KLF12: variants seen among roughly 807,000 people sequenced by gnomAD.
KLF12 encodes the protein Krueppel-like factor 12.
In KLF12, 9 loss-of-function variants were observed where a neutral mutation model predicts 37.8. That is an observed-to-expected ratio of 0.24 (90% CI 0.14 to 0.42). KLF12 has a LOEUF of 0.42. KLF12 is among the 10% of genes least tolerant of loss of function. KLF12 has a pLI of 1.00. For synonymous variants in KLF12, 208 were observed against 202.1 expected (o/e 1.03, Z -0.25); for missense variants, 411 against 516.0 (o/e 0.80, Z 1.97).
chr13:73,781,435 CATT>C (rs1185039369), intron 5 of KLF12, among the ~76,000 whole-genome samples: 1 of 152,184 alleles, frequency 6.6e-6, no homozygotes, highest in East Asian at 1.9e-4. Context: ...CTTTCTCCAT[CATT>C]GTTATTACAA....
intron 3 of KLF12, among the ~76,000 whole-genome samples, chr13:73,847,847 T>C (rs958494673): frequency 6.6e-6 from 1 of 152,182 alleles, no homozygotes; most frequent in Non-Finnish European, 1.5e-5. Context: ...ACACCATAAA[T>C]TGAACTGCTT....
At chr13:74,285,098 T>C in the KLF12 span, among the ~76,000 whole-genome samples, 1 of 152,148 alleles carries the variant, frequency 6.6e-6, no homozygotes, top group Admixed American at 6.5e-5. Flanking sequence ...GGCACATGGT[T>C]TTTCTTGTGG....
At chr13:73,718,420 G>C (rs1427588069) in intron 6 of KLF12, among the ~76,000 whole-genome samples, 2 of 152,200 alleles carry the variant, frequency 1.3e-5, no homozygotes, top group African/African-American at 4.8e-5. Context: ...ATGAAGACAA[G>C]TGGATTGTCT....
chr13:74,229,350 C>T, the KLF12 span, among the ~76,000 whole-genome samples: 1 of 152,148 alleles, frequency 6.6e-6, no homozygotes, highest in African/African-American at 2.4e-5. Flanking sequence ...TGGCCAAAAA[C>T]AAGTCCTTTG....
chr13:74,254,837 A>G, the KLF12 span, among the ~76,000 whole-genome samples: 1 of 152,150 alleles, frequency 6.6e-6, no homozygotes, highest in Non-Finnish European at 1.5e-5. Flanking sequence ...TTTGTCCCTT[A>G]GTTATTAATA....
chr13:73,794,361 T>C (rs193271438), intron 5 of KLF12, among the ~76,000 whole-genome samples: 82 of 152,318 alleles, frequency 5.4e-4, no homozygotes, highest in Admixed American at 1.7e-3. Flanking sequence ...CTCAGGAGGC[T>C]GAGGTATGAG....
intron 7 of KLF12, among the ~76,000 whole-genome samples, chr13:73,702,119 G>A (rs1347846413): frequency 6.6e-6 from 1 of 152,068 alleles, no homozygotes; most frequent in Non-Finnish European, 1.5e-5. Context: ...AACTTTCTAT[G>A]TATATGCAGC....
At chr13:73,759,255 C>T (rs1246233758) in intron 6 of KLF12, among the ~76,000 whole-genome samples, 1 of 152,090 alleles carries the variant, frequency 6.6e-6, no homozygotes, top group Non-Finnish European at 1.5e-5. Context: ...CTTAAAAAGA[C>T]CATGAAGGCT....
intron 1 of KLF12, among the ~76,000 whole-genome samples, chr13:74,071,829 T>C (rs1874272020): frequency 1.3e-5 from 2 of 152,218 alleles, no homozygotes; most frequent in South Asian, 4.1e-4. Flanking sequence ...GGGAGAAAAC[T>C]GATTGGTCAT....
intron 3 of KLF12, among the ~76,000 whole-genome samples, chr13:73,943,646 G>C (rs1487958326): frequency 6.6e-6 from 1 of 152,130 alleles, no homozygotes; most frequent in African/African-American, 2.4e-5. Flanking sequence ...ATGACACTGA[G>C]GTTATAGTCC....
At chr13:73,914,605 A>T (rs185793541) in intron 3 of KLF12, among the ~76,000 whole-genome samples, 3 of 152,322 alleles carry the variant, frequency 2.0e-5, no homozygotes, top group Admixed American at 6.5e-5. Context: ...AAGGTTGGAG[A>T]ACGCCTCTGT....
At chr13:74,239,248 G>A in the KLF12 span, among the ~76,000 whole-genome samples, 15 of 152,194 alleles carry the variant, frequency 9.9e-5, no homozygotes, top group East Asian at 5.8e-4. Context: ...TAGTTGAGCC[G>A]TTTTGAGTGA....
At position 73,812,551 on chromosome 13, in the gene KLF12, A is replaced by AAAT. The variant is rs150181070; in HGVS notation, c.806+600_806+601insATT. ...CTGAAAAAATTATTCTACAAAAAAA[A>AAAT]ACATGGATTTTTTTTTTCAATCATT... On this transcript the variant is annotated intron_variant, in intron 5 of 7. Transcript: ENST00000377669. Among the ~76,000 whole-genome samples the AAAT allele has an allele frequency of 1.3e-3, 203 of 152,150 alleles. 2 individuals are homozygous for AAAT. Among genetic ancestry groups the AAAT allele is most frequent in the African/African-American group, 4.4e-3 (184 of 41,406 alleles).
chr13:73,971,711 C>T (rs1891347122), intron 2 of KLF12, among the ~76,000 whole-genome samples: 1 of 152,156 alleles, frequency 6.6e-6, no homozygotes, highest in Non-Finnish European at 1.5e-5. Context: ...ACTACATTCA[C>T]AATGGTGATA....
At chr13:73,756,140 A>T (rs1384648099) in intron 6 of KLF12, among the ~76,000 whole-genome samples, 2 of 152,026 alleles carry the variant, frequency 1.3e-5, no homozygotes, top group Non-Finnish European at 2.9e-5. Flanking sequence ...GTCAGATATC[A>T]TTTATTTATT....
At chr13:74,163,254 T>G in the KLF12 span, among the ~76,000 whole-genome samples, 4 of 152,094 alleles carry the variant, frequency 2.6e-5, no homozygotes, top group Non-Finnish European at 2.9e-5. Flanking sequence ...AGAAAGAAAA[T>G]CAGTATATCA....
chr13:73,780,426 C>A (rs763761548), intron 5 of KLF12, among the ~76,000 whole-genome samples: 2 of 151,844 alleles, frequency 1.3e-5, no homozygotes, highest in Non-Finnish European at 2.9e-5. Context: ...TCTGTTATAT[C>A]ATTCTTATGC....
At chr13:74,183,518 A>AT in the KLF12 span, among the ~76,000 whole-genome samples, 10 of 151,904 alleles carry the variant, frequency 6.6e-5, no homozygotes, top group East Asian at 1.4e-3. Flanking sequence ...ATCACAAGGA[A>AT]TTTTTTTTTC....
chr13:74,028,346 C>T (rs1307683414), intron 1 of KLF12, among the ~76,000 whole-genome samples: 2 of 152,114 alleles, frequency 1.3e-5, no homozygotes, highest in Non-Finnish European at 2.9e-5. Context: ...TTATAAACTA[C>T]ATTTAAGAAA....
Sources: allele counts gnomAD v4.1 joint callset (sites outside exome capture counted in the v4.1 genomes callset), GRCh38; gene constraint gnomAD v4.1.1; transcripts MANE v1.5; gene names NCBI Gene and HGNC (gene_info 2026-07-23, HGNC 2026-07-21).